Variants in BCKDHB observed in about 807,000 individuals in gnomAD.
BCKDHB encodes the protein 2-oxoisovalerate dehydrogenase subunit beta, mitochondrial.
BCKDHB carries 41 observed loss-of-function variants against 48.5 expected under a neutral mutation model. The ratio of observed to expected loss-of-function variants is 0.85; its 90% confidence interval spans 0.66 to 1.10. BCKDHB has a LOEUF of 1.10. BCKDHB is among the 50% of genes least tolerant of loss of function. The pLI is 0.00. For missense variants in BCKDHB, 496 were observed against 494.2 expected (o/e 1.00, Z -0.03); for synonymous variants, 201 against 174.8 (o/e 1.15, Z -1.18).
chr6:80,271,708 A>G (rs570556436), intron 8 of BCKDHB, among the ~76,000 whole-genome samples: 110 of 152,102 alleles, frequency 7.2e-4, no homozygotes, highest in African/African-American at 2.6e-3. Flanking sequence ...ATGTTGGCCA[A>G]GTTCTGAGTT....
chr6:80,370,786 TA>T, the BCKDHB span, among the ~76,000 whole-genome samples: 1 of 128,664 alleles, frequency 7.8e-6, no homozygotes, highest in Non-Finnish European at 1.7e-5. Flanking sequence ...CGTGTGTGTG[TA>T]TATATAGCGT....
chr6:80,276,854 GAAAT>G (rs1777987352), intron 9 of BCKDHB, among the ~76,000 whole-genome samples: 2 of 151,724 alleles, frequency 1.3e-5, no homozygotes, highest in South Asian at 2.1e-4. Context: ...TATATAGAGA[GAAAT>G]AAATGATTAC....
intron 9 of BCKDHB, among the ~76,000 whole-genome samples, chr6:80,326,825 C>T (rs1318697349): frequency 6.6e-6 from 1 of 151,970 alleles, no homozygotes; most frequent in East Asian, 1.9e-4. Context: ...GAGATCGCAC[C>T]ACTGGACTCC....
intron 9 of BCKDHB, among the ~76,000 whole-genome samples, chr6:80,320,436 T>G (rs1206162005): frequency 6.6e-6 from 1 of 152,188 alleles, no homozygotes; most frequent in African/African-American, 2.4e-5. Flanking sequence ...TCTTGATAAT[T>G]GTAGTGTTTT....
At chr6:80,170,432 T>A (rs1226446250) in intron 5 of BCKDHB, among the ~76,000 whole-genome samples, 1 of 152,164 alleles carries the variant, frequency 6.6e-6, no homozygotes, top group Non-Finnish European at 1.5e-5. Context: ...TAAGTCAACA[T>A]TAGATAGAAG....
intron 6 of BCKDHB, among the ~76,000 whole-genome samples, chr6:80,179,857 A>T (rs1031836690): frequency 2.0e-5 from 3 of 152,156 alleles, no homozygotes; most frequent in Non-Finnish European, 4.4e-5. Context: ...ATGTCCCCAG[A>T]TAGAGGCAAA....
At chr6:80,290,278 T>C (rs989663187) in intron 9 of BCKDHB, among the ~76,000 whole-genome samples, 1 of 152,164 alleles carries the variant, frequency 6.6e-6, no homozygotes, top group Non-Finnish European at 1.5e-5. Flanking sequence ...AGGGTATGCC[T>C]ACCTCCACAG....
intron 6 of BCKDHB, among the ~76,000 whole-genome samples, chr6:80,173,240 C>T (rs571052673): frequency 3.3e-5 from 5 of 152,194 alleles, no homozygotes; most frequent in Admixed American, 6.5e-5. Context: ...ATGAAAGACC[C>T]TGATGAGGTT....
chr6:80,383,954 T>C, the BCKDHB span, among the ~76,000 whole-genome samples: 1 of 152,238 alleles, frequency 6.6e-6, no homozygotes, highest in Admixed American at 6.5e-5. Context: ...TATCTGCCAA[T>C]ACTTTTAAAC....
chr6:80,463,584 A>G, the BCKDHB span, among the ~76,000 whole-genome samples: 1 of 152,058 alleles, frequency 6.6e-6, no homozygotes, highest in East Asian at 1.9e-4. Context: ...TTGATTTTCA[A>G]TATACTTTTT....
At chr6:80,272,763 TA>T (rs954532383) in intron 8 of BCKDHB, among the ~76,000 whole-genome samples, 2 of 151,964 alleles carry the variant, frequency 1.3e-5, no homozygotes, top group African/African-American at 4.8e-5. Flanking sequence ...AACAAATGAA[TA>T]AAAAAAACTT....
chr6:80,282,966 T>C (rs1250218240), intron 9 of BCKDHB, among the ~76,000 whole-genome samples: 2 of 152,148 alleles, frequency 1.3e-5, no homozygotes, highest in African/African-American at 4.8e-5. Context: ...ATAATTCCTT[T>C]ATCATGTACA....
the BCKDHB span, among the ~76,000 whole-genome samples, chr6:80,445,989 G>C: frequency 2.6e-5 from 4 of 152,154 alleles, no homozygotes; most frequent in African/African-American, 9.7e-5. Context: ...GAATGTTCAG[G>C]AAACAGGGAG....
the BCKDHB span, among the ~76,000 whole-genome samples, chr6:80,397,176 T>C: frequency 1.3e-5 from 2 of 152,180 alleles, no homozygotes; most frequent in Non-Finnish European, 2.9e-5. Flanking sequence ...CAGTGGGAAA[T>C]ATACTGGTCT....
At chr6:80,292,031 G>C (rs970417209) in intron 9 of BCKDHB, among the ~76,000 whole-genome samples, 1 of 152,122 alleles carries the variant, frequency 6.6e-6, no homozygotes, top group Non-Finnish European at 1.5e-5. Flanking sequence ...CTAGGAGTTG[G>C]GTAAATTCCC....
At chr6:80,116,587 A>G (rs1361876038) in intron 1 of BCKDHB, among the ~76,000 whole-genome samples, 1 of 152,206 alleles carries the variant, frequency 6.6e-6, no homozygotes, top group East Asian at 1.9e-4. Flanking sequence ...GATGACCTGC[A>G]TATTCATGAT....
At chr6:80,182,846 A>G (rs746826015) in intron 6 of BCKDHB, among the ~76,000 whole-genome samples, 53 of 152,296 alleles carry the variant, frequency 3.5e-4, no homozygotes, top group Middle Eastern at 3.4e-3. Context: ...CATGTTACAA[A>G]TATTGTATAA....
chr6:80,417,422 G>A, the BCKDHB span, among the ~76,000 whole-genome samples: 8 of 152,268 alleles, frequency 5.3e-5, no homozygotes, highest in Non-Finnish European at 1.0e-4. Context: ...ACTTGTTTAT[G>A]CGGTTGTTTT....
At chr6:80,232,945 G>A (rs971808964) in intron 8 of BCKDHB, among the ~76,000 whole-genome samples, 5 of 151,814 alleles carry the variant, frequency 3.3e-5, no homozygotes, top group African/African-American at 4.8e-5. Flanking sequence ...TGCATAATTT[G>A]CATAGTAATA....
Sources: allele counts gnomAD v4.1 joint callset (sites outside exome capture counted in the v4.1 genomes callset), GRCh38; gene constraint gnomAD v4.1.1; transcripts MANE v1.5; gene names NCBI Gene and HGNC (gene_info 2026-07-23, HGNC 2026-07-21).